Variants in IGF2BP1 observed in about 807,000 individuals in gnomAD.
IGF2BP1 encodes the protein insulin like growth factor 2 mRNA binding protein 1.
In IGF2BP1, 11 loss-of-function variants were observed where a neutral mutation model predicts 74.9. The observed-to-expected ratio is 0.15, with a 90% CI of 0.09 to 0.24. The LOEUF is 0.24. Among genes scored for constraint, IGF2BP1 ranks in the 10% least tolerant of loss-of-function variants. The probability of loss-of-function intolerance (pLI) is 1.00; values close to 1 mark genes in which losing one functional copy is unlikely to be tolerated. For synonymous variants in IGF2BP1, 287 were observed against 281.8 expected, an observed-to-expected ratio of 1.02 and a Z score of -0.18; for missense variants, 440 against 757.4, an observed-to-expected ratio of 0.58 and a Z score of 4.92.
Position 48,999,179 on chromosome 17 carries a change from A to G in IGF2BP1, c.236+10A>G, listed in dbSNP as rs1266018562. ...TGCCCAAAAAACAAAGGTAGGAAAG[A>G]GCTCTTTTCGGGGGGGGTGGGGGGG... On this transcript the variant is annotated intron_variant, in intron 2 of 14. Transcript: ENST00000290341. 2.8e-6 allele frequency: 2 copies of G among 723,374 alleles called. No individual in the cohort carries two copies. Among genetic ancestry groups the G allele is most frequent in the Admixed American group, 2.6e-5 (1 of 38,130 alleles). 44.8% of individuals were successfully genotyped at this position (723,374 alleles called of 1,614,324 possible).
chr17:49,046,155 G>A (rs2144147807), intron 13 of IGF2BP1, 105 bp from the exon 14 acceptor site: 2 of 1,448,340 alleles, frequency 1.4e-6, no homozygotes, highest in East Asian at 4.5e-5. Context: ...CCAAGCTCAG[G>A]TCCTGACTCT....
Position 49,044,074 on chromosome 17 carries a change from C to T in IGF2BP1, c.1308C>T (p.Ser436=), listed in dbSNP as rs142465987. The part of the protein sequence containing the change: ...QHIKQLSRFA[S]ASIKIAPPET... ...TCAAACAGCTCTCCCGGTTTGCCAG[C>T]GCCTCCATCAAGGTGATCTGCTCTG... The change falls in exon 11 of 15, where the codon AGC becomes AGT. Residue 436 remains serine, a synonymous_variant. Transcript: ENST00000290341. 4.3e-5 allele frequency: 70 copies of T among 1,613,954 alleles called. 1 individual carries two copies. The African/African-American group carries it at 5.3e-4, about 12-fold the overall frequency.
At chr17:49,006,017 G>A (rs2041548245) in intron 2 of IGF2BP1, among the ~76,000 whole-genome samples, 1 of 152,102 alleles carries the variant, frequency 6.6e-6, no homozygotes, top group Non-Finnish European at 1.5e-5. Context: ...AGCCGAGATC[G>A]CACCACTGCA....
At chr17:49,037,028 G>C in intron 5 of IGF2BP1, 1 of 226,876 alleles carries the variant, frequency 4.4e-6, no homozygotes, top group Non-Finnish European at 9.2e-6. Context: ...CCATGGCTAT[G>C]GAGGGGTTTC....
At chr17:49,003,915 T>C (rs2041515374) in intron 2 of IGF2BP1, among the ~76,000 whole-genome samples, 1 of 152,040 alleles carries the variant, frequency 6.6e-6, no homozygotes, top group Non-Finnish European at 1.5e-5. Context: ...TAGACTCAGC[T>C]CAGGGCAAGG....
Position 49,031,820 on chromosome 17 carries a change from A to G in IGF2BP1, c.338-90A>G. On this transcript the variant is annotated intron_variant, in intron 4 of 14. Transcript: ENST00000290341. ...GTCTGGCCTGCCAGATGTCTTCTTG[A>G]TCTCAAAACGTGGAAAGCTGGAGTT... is the stretch of plus-strand genomic sequence containing the variant. The G allele has an allele frequency of 5.1e-6, 6 of 1,182,460 alleles. No individual in the cohort carries two copies. The Admixed American group carries it at 9.0e-5, about 18-fold the overall frequency. 73.2% of individuals were successfully genotyped at this position (1,182,460 alleles called of 1,614,324 possible).
At chr17:49,008,928 CTATTGCAT>C (rs1341211088) in intron 2 of IGF2BP1, among the ~76,000 whole-genome samples, 1 of 151,758 alleles carries the variant, frequency 6.6e-6, no homozygotes, top group Admixed American at 6.6e-5. Context: ...TAAGAGTCTA[CTATTGCAT>C]GATATGCCCT....
chr17:49,027,151 C>CGGCTT (rs1555599110), intron 4 of IGF2BP1, among the ~76,000 whole-genome samples: 4 of 152,192 alleles, frequency 2.6e-5, no homozygotes, highest in Non-Finnish European at 1.5e-5. Context: ...CTCCTGGCCT[C>CGGCTT]GGCTTCGGAT....
At position 48,997,717 on chromosome 17, in the gene IGF2BP1, G is replaced by A; in HGVS notation, c.-29G>A. On this transcript the variant is annotated 5_prime_UTR_variant, in exon 1 of 15. Transcript: ENST00000290341. This position sits in a 1 kb window ranked among gnomAD's most constrained non-coding sequence, Gnocchi z 4.8. ...GCGCCCGCTCGTTCGGCCTTGCCCG[G>A]GACCGCGTCCTGCCCCGAGACCGCC... The A allele has an allele frequency of 1.9e-6, 3 of 1,605,238 alleles. No individual in the cohort carries two copies. The South Asian group carries it at 3.3e-5, about 18-fold the overall frequency.
chr17:49,043,911 G>A, intron 10 of IGF2BP1, 56 bp from the exon 11 acceptor site: 1 of 1,595,390 alleles, frequency 6.3e-7, no homozygotes, highest in Non-Finnish European at 8.5e-7. Context: ...GGGAGTGGAG[G>A]GTTTCTGGGC....
At chr17:49,032,329 G>A (rs1453377961) in intron 5 of IGF2BP1, among the ~76,000 whole-genome samples, 1 of 152,060 alleles carries the variant, frequency 6.6e-6, no homozygotes, top group African/African-American at 2.4e-5. Flanking sequence ...CCTTTGCCGT[G>A]TTCATGGCGC....
chr17:49,048,997 G>T (rs2042136707), intron 14 of IGF2BP1, among the ~76,000 whole-genome samples: 1 of 147,556 alleles, frequency 6.8e-6, no homozygotes, highest in Non-Finnish European at 1.5e-5. Context: ...ATATATTTCT[G>T]CCTAGAAACT....
At chr17:49,004,428 T>TA (rs2041523910) in intron 2 of IGF2BP1, among the ~76,000 whole-genome samples, 1 of 151,350 alleles carries the variant, frequency 6.6e-6, no homozygotes, top group Non-Finnish European at 1.5e-5. Flanking sequence ...AGAGGAAGAG[T>TA]AGGTAAAGGG....
intron 2 of IGF2BP1, among the ~76,000 whole-genome samples, chr17:49,004,279 A>T (rs912467551): frequency 7.3e-6 from 1 of 136,074 alleles, no homozygotes; most frequent in Admixed American, 7.4e-5. Flanking sequence ...CTCGCAGCAG[A>T]TACCCCACGA....
chr17:49,030,334 G>A (rs182400215), intron 4 of IGF2BP1, among the ~76,000 whole-genome samples: 11 of 152,158 alleles, frequency 7.2e-5, no homozygotes, highest in Non-Finnish European at 1.3e-4. Context: ...TGGAGACTGG[G>A]TTTTGCCGTG....
At chr17:48,999,032 G>T in intron 1 of IGF2BP1, 77 bp from the exon 2 acceptor site, 1 of 858,412 alleles carries the variant, frequency 1.2e-6, no homozygotes, top group Non-Finnish European at 2.0e-6. Flanking sequence ...AATTATCCTA[G>T]TGTCTTTTCC....
intron 8 of IGF2BP1, 66 bp downstream of exon 8, chr17:49,041,566 A>G: frequency 6.3e-7 from 1 of 1,594,070 alleles, no homozygotes; most frequent in Non-Finnish European, 8.6e-7. Context: ...TCAGTATTTC[A>G]TCATGGAACC....
intron 2 of IGF2BP1, chr17:49,017,843 C>T (rs1180226613): frequency 2.6e-5 from 4 of 152,110 alleles, no homozygotes; most frequent in Admixed American, 6.6e-5. Flanking sequence ...CTTCTGACCT[C>T]AGGTGATCCA....
chr17:48,997,855 C>G lies in IGF2BP1; in HGVS notation c.110C>G (p.Ser37Cys). ...ISYSGQFLVK[S>C]GYAFVDCPDE... is the part of the protein sequence containing the mutation. Reference sequence around the variant, plus strand: ...TACAGCGGCCAGTTCTTGGTCAAATCCGGCTACGCCTTCGTGGACTGCCCG... The same window carrying G: ...TACAGCGGCCAGTTCTTGGTCAAATGCGGCTACGCCTTCGTGGACTGCCCG... Residue 37 changes from serine to cysteine, a missense_variant, in exon 1 of 15, where the codon TCC becomes TGC. Transcript: ENST00000290341. This position sits in a 1 kb window ranked among gnomAD's most constrained non-coding sequence, Gnocchi z 4.8. 6.2e-7 allele frequency: 1 copy of G among 1,614,232 alleles called. No homozygotes were observed. The highest frequency in any genetic ancestry group is 8.5e-7 in the Non-Finnish European group (1 of 1,180,030).
Sources: gnomAD v4.1 joint callset for allele counts (sites outside exome capture counted in the v4.1 genomes callset) on GRCh38, gnomAD v4.1.1 for gene constraint, Gnocchi (gnomAD v3.1) non-coding constraint, MANE v1.5 for transcripts, NCBI Gene and HGNC (gene_info 2026-07-23, HGNC 2026-07-21) for gene names.